AFF1: variants seen among roughly 807,000 people sequenced by gnomAD.
AFF1 encodes the protein AF4/FMR2 family member 1.
AFF1 carries 48 observed loss-of-function variants against 121.7 expected under a neutral mutation model. That is an observed-to-expected ratio of 0.39 (90% CI 0.31 to 0.50). AFF1 has a LOEUF of 0.50. Among genes scored for constraint, AFF1 ranks in the 20% least tolerant of loss-of-function variants. AFF1 has a pLI of 0.76. For missense variants in AFF1, 1,523 were observed against 1,511.7 expected, an observed-to-expected ratio of 1.01 and a Z score of -0.12; for synonymous variants, 613 against 563.0, an observed-to-expected ratio of 1.09 and a Z score of -1.26.
At chr4:87,020,923 T>A in intron 2 of AFF1, 1 of 800,670 alleles carries the variant, frequency 1.2e-6, no homozygotes, top group Non-Finnish European at 1.5e-6. Flanking sequence ...AAGATGTGTA[T>A]CTTTTAATAT....
intron 2 of AFF1, among the ~76,000 whole-genome samples, chr4:87,041,883 C>T (rs554848212): frequency 1.3e-3 from 201 of 151,998 alleles, no homozygotes; most frequent in African/African-American, 4.6e-3. Context: ...GGCGTGGTGT[C>T]GGGTGCATCT....
intron 12 of AFF1, among the ~76,000 whole-genome samples, chr4:87,120,421 C>A (rs1017446818): frequency 6.6e-6 from 1 of 152,176 alleles, no homozygotes. Context: ...GCGGAAAGAA[C>A]CTTAGTGGTC....
At chr4:87,050,564 CAT>C (rs1731165583) in intron 4 of AFF1, among the ~76,000 whole-genome samples, 1 of 152,168 alleles carries the variant, frequency 6.6e-6, no homozygotes, top group Admixed American at 6.5e-5. Context: ...TATAAAAACT[CAT>C]AGTCTTCTCT....
chr4:87,006,023 AAC>A (rs1726084680), intron 2 of AFF1, among the ~76,000 whole-genome samples: 1 of 152,194 alleles, frequency 6.6e-6, no homozygotes, highest in Non-Finnish European at 1.5e-5. Context: ...GAATCTAGTA[AAC>A]ACACTTTGAG....
chr4:87,120,663 G>A (rs537661401), intron 12 of AFF1, among the ~76,000 whole-genome samples: 3 of 152,140 alleles, frequency 2.0e-5, no homozygotes, highest in African/African-American at 7.2e-5. Flanking sequence ...GGTGGTTACC[G>A]CGTCAGCCCC....
At chr4:86,984,449 G>A (rs971649286) in intron 2 of AFF1, among the ~76,000 whole-genome samples, 5 of 151,278 alleles carry the variant, frequency 3.3e-5, no homozygotes, top group Admixed American at 1.3e-4. Flanking sequence ...TCAGCCTCCC[G>A]AGTAGCTGAG....
intron 2 of AFF1, among the ~76,000 whole-genome samples, chr4:86,992,788 A>T (rs899149130): frequency 6.6e-6 from 1 of 152,246 alleles, no homozygotes; most frequent in African/African-American, 2.4e-5. Flanking sequence ...TGATGTATAA[A>T]ATGACAAGAT....
At position 87,127,059 on chromosome 4, in the gene AFF1, G is replaced by T. The variant is rs1350263014; in HGVS notation, c.2845G>T (p.Val949Leu). The T allele has an allele frequency of 6.2e-7, 1 of 1,613,398 alleles. No individual in the cohort carries two copies. The highest frequency in any genetic ancestry group is 8.5e-7 in the Non-Finnish European group (1 of 1,179,850). ...SSGDTANPFP[V>L]PSLPNGNSKP... ...CGGAGATACTGCAAATCCTTTTCCAGTGCCTTCTTTGCCAAATGGTAACTC... is the reference window on the plus strand; with the variant it reads ...CGGAGATACTGCAAATCCTTTTCCATTGCCTTCTTTGCCAAATGGTAACTC... Residue 949 changes from valine to leucine, a missense_variant, in exon 15 of 21, where the codon GTG becomes TTG. By Grantham distance (32) the Val-to-Leu change is conservative (BLOSUM62 1). This residue lies in a region of AFF1 where 905 missense variants were observed against 842.5 expected (regional missense o/e 1.07). Coordinates refer to ENST00000395146, the MANE Select transcript of AFF1 (RefSeq NM_001166693.3).
intron 1 of AFF1, among the ~76,000 whole-genome samples, chr4:86,939,158 T>C (rs144915043): frequency 7.9e-5 from 12 of 152,326 alleles, no homozygotes; most frequent in East Asian, 3.9e-4. Flanking sequence ...GTGGAACTTA[T>C]ATTGGCACTT....
chr4:87,098,935 A>G (rs567557112), intron 8 of AFF1, among the ~76,000 whole-genome samples: 1 of 152,298 alleles, frequency 6.6e-6, no homozygotes, highest in South Asian at 2.1e-4. Context: ...TACTCAAAAC[A>G]TTGTTGGCTT....
intron 2 of AFF1, among the ~76,000 whole-genome samples, chr4:87,010,098 C>T (rs1726583563): frequency 6.6e-6 from 1 of 152,144 alleles, no homozygotes; most frequent in South Asian, 2.1e-4. Context: ...TTTAGTCTCC[C>T]CTACATAAGC....
In AFF1 at chr4:86,985,181, C is replaced by CTATATATATATATATATATATATATATA. The variant is rs55891819; in HGVS notation, c.38+36617_38+36644dup. The stretch of plus-strand genomic sequence containing the variant: ...AATATAATATATATAATATGTATTA[C>CTATATATATATATATATATATATATATA]TATATATATATATATATATATATAT... On this transcript the variant is annotated intron_variant, in intron 2 of 20. Coordinates refer to ENST00000395146, the MANE Select transcript of AFF1 (RefSeq NM_001166693.3). Among the ~76,000 whole-genome samples, 5 of 96,492 alleles carry CTATATATATATATATATATATATATATA rather than the reference C, an allele frequency of 5.2e-5. No homozygotes were observed. The East Asian group carries it at 9.0e-4, about 17-fold the overall frequency. 63.3% of individuals were successfully genotyped at this position (96,492 alleles called of 152,430 possible). A position where few individuals can be genotyped will look rare whatever the true frequency, so the allele number is the denominator to read the frequency against.
Position 86,996,470 on chromosome 4 carries a change from T to C in AFF1, c.38+47899T>C, listed in dbSNP as rs573025012. ...AAACATGTGCTGTATCCACTCAGGG[T>C]TGAATGGATTAAGGGCGGTGCAAGA... On this transcript the variant is annotated intron_variant, in intron 2 of 20. Coordinates refer to ENST00000395146, the MANE Select transcript of AFF1 (RefSeq NM_001166693.3). 5.3e-5 allele frequency among the ~76,000 whole-genome samples: 8 copies of C among 151,742 alleles called. No homozygotes were observed. In the East Asian group the frequency reaches 1.5e-3, roughly 29 times the overall value.
At chr4:87,120,080 A>G (rs913753149) in intron 12 of AFF1, among the ~76,000 whole-genome samples, 1 of 152,234 alleles carries the variant, frequency 6.6e-6, no homozygotes, top group South Asian at 2.1e-4. Context: ...TGAGGAGAGC[A>G]CCACAACCAT....
intron 5 of AFF1, among the ~76,000 whole-genome samples, chr4:87,086,000 A>G (rs538897819): frequency 6.6e-6 from 1 of 152,212 alleles, no homozygotes; most frequent in East Asian, 1.9e-4. Flanking sequence ...CAGCCCCTCA[A>G]AGTGTTGGGA....
At chr4:86,959,315 A>G (rs1578849531) in intron 2 of AFF1, among the ~76,000 whole-genome samples, 2 of 147,152 alleles carry the variant, frequency 1.4e-5, no homozygotes, top group South Asian at 4.4e-4. Flanking sequence ...GAAAATTTAT[A>G]TGTGAGCTCT....
intron 19 of AFF1, among the ~76,000 whole-genome samples, 156 bp from the exon 20 acceptor site, chr4:87,134,315 T>C (rs1729110869): frequency 6.6e-6 from 1 of 152,224 alleles, no homozygotes; most frequent in Non-Finnish European, 1.5e-5. Context: ...GGGTGTCTCG[T>C]TGACCTTGTA....
chr4:87,134,450 C>A (rs1729125981), intron 19 of AFF1, 21 bp from the exon 20 acceptor site: 4 of 1,563,116 alleles, frequency 2.6e-6, no homozygotes, highest in South Asian at 1.2e-5. Context: ...GATCAGTTAT[C>A]TCTTCTCTTC....
intron 2 of AFF1, among the ~76,000 whole-genome samples, chr4:86,976,026 G>A (rs945555228): frequency 2.0e-5 from 3 of 152,112 alleles, no homozygotes; most frequent in African/African-American, 4.8e-5. Flanking sequence ...GCAGGCCTAC[G>A]AGAAGAAGTG....
Sources: gnomAD v4.1 joint callset for allele counts (sites outside exome capture counted in the v4.1 genomes callset) on GRCh38, gnomAD v4.1.1 for gene constraint, gnomAD v4.1.1 regional missense constraint, MANE v1.5 for transcripts, NCBI Gene and HGNC (gene_info 2026-07-23, HGNC 2026-07-21) for gene names.